Variants in ARHGAP10 observed in about 807,000 individuals in gnomAD.
ARHGAP10 encodes rho GTPase-activating protein 10.
A neutral mutation model predicts 108.6 loss-of-function variants in ARHGAP10; 87 were observed. The ratio of observed to expected loss-of-function variants is 0.80; its 90% CI spans 0.67 to 0.96. The LOEUF is 0.96. Among genes scored for constraint, ARHGAP10 ranks in the 40% least tolerant of loss-of-function variants. ARHGAP10 has a pLI of 0.00. For synonymous variants in ARHGAP10, 347 were observed against 341.1 expected, an observed-to-expected ratio of 1.02 and a Z score of -0.19; for missense variants, 939 against 954.5, an observed-to-expected ratio of 0.98 and a Z score of 0.21.
chr4:147,850,347 T>G (rs1733820237), intron 4 of ARHGAP10, among the ~76,000 whole-genome samples: 1 of 152,252 alleles, frequency 6.6e-6, no homozygotes, highest in Non-Finnish European at 1.5e-5. Context: ...CTTCCCATGC[T>G]GTGGAAGCTT....
chr4:148,063,448 T>G (rs928483792), intron 21 of ARHGAP10, 148 bp downstream of exon 21: 3 of 1,107,518 alleles, frequency 2.7e-6, no homozygotes, highest in Non-Finnish European at 3.8e-6. Context: ...CTTACCACCT[T>G]GTATCAGGGC....
At chr4:148,001,599 C>A (rs58357782) in intron 18 of ARHGAP10, among the ~76,000 whole-genome samples, 2 of 149,762 alleles carry the variant, frequency 1.3e-5, no homozygotes, top group Non-Finnish European at 2.9e-5. Context: ...TTGAGCAGTG[C>A]TTTATAGTTC....
At chr4:147,803,994 GTTT>G (rs1189718865) in intron 1 of ARHGAP10, among the ~76,000 whole-genome samples, 54 of 132,878 alleles carry the variant, frequency 4.1e-4, no homozygotes, top group African/African-American at 1.4e-3. Context: ...TGTATTTTTA[GTTT>G]TTTTTTTTTT....
At chr4:147,893,452 C>G (rs1735867891) in intron 10 of ARHGAP10, among the ~76,000 whole-genome samples, 1 of 146,010 alleles carries the variant, frequency 6.8e-6, no homozygotes, top group African/African-American at 2.5e-5. Flanking sequence ...TATTATTATT[C>G]TCTCTATATA....
chr4:147,736,062 GTTA>G (rs1396447575), intron 1 of ARHGAP10, among the ~76,000 whole-genome samples: 3 of 151,860 alleles, frequency 2.0e-5, no homozygotes, highest in African/African-American at 7.3e-5. Context: ...AGTCCTTACA[GTTA>G]TTAAGCACTA....
At chr4:148,056,310 CTCT>C (rs1414509608) in intron 20 of ARHGAP10, among the ~76,000 whole-genome samples, 1 of 152,218 alleles carries the variant, frequency 6.6e-6, no homozygotes, top group Non-Finnish European at 1.5e-5. Context: ...CTTCACACAT[CTCT>C]TCTTGTCATT....
intron 13 of ARHGAP10, among the ~76,000 whole-genome samples, chr4:147,919,661 C>G (rs974475686): frequency 6.6e-6 from 1 of 152,050 alleles, no homozygotes; most frequent in Non-Finnish European, 1.5e-5. Context: ...CAGCCTCCGT[C>G]TCCGCCTCCC....
chr4:147,933,322 ATACTCAAG>A (rs1433734193), intron 13 of ARHGAP10, among the ~76,000 whole-genome samples: 1 of 152,176 alleles, frequency 6.6e-6, no homozygotes, highest in Non-Finnish European at 1.5e-5. Flanking sequence ...TTGAACTCCT[ATACTCAAG>A]CAGTCCTTCT....
At chr4:147,929,922 C>T (rs1424041189) in intron 13 of ARHGAP10, among the ~76,000 whole-genome samples, 4 of 152,106 alleles carry the variant, frequency 2.6e-5, no homozygotes, top group African/African-American at 4.8e-5. Context: ...GATATGCAAA[C>T]CTATATTTGC....
chr4:148,005,477 T>G (rs1740910116), intron 18 of ARHGAP10, among the ~76,000 whole-genome samples: 1 of 152,192 alleles, frequency 6.6e-6, no homozygotes, highest in Non-Finnish European at 1.5e-5. Context: ...ATATTCTGTA[T>G]GTATCAGTAT....
chr4:147,878,837 C>T (rs1314832388), intron 8 of ARHGAP10, among the ~76,000 whole-genome samples: 1 of 138,394 alleles, frequency 7.2e-6, no homozygotes, highest in Non-Finnish European at 1.5e-5. Context: ...AGCGCAGTGG[C>T]GCGATCTCGG....
intron 18 of ARHGAP10, among the ~76,000 whole-genome samples, chr4:148,014,304 G>A (rs1477385706): frequency 6.6e-6 from 1 of 152,200 alleles, no homozygotes; most frequent in Non-Finnish European, 1.5e-5. Flanking sequence ...TATATTTGGG[G>A]AAGTGTATTC....
intron 20 of ARHGAP10, among the ~76,000 whole-genome samples, chr4:148,052,339 T>TAAA (rs540156426): frequency 4.4e-4 from 46 of 105,046 alleles, no homozygotes; most frequent in African/African-American, 1.5e-3. Context: ...TCTGATTATG[T>TAAA]AAAAAAAAAA....
intron 1 of ARHGAP10, among the ~76,000 whole-genome samples, chr4:147,748,557 A>T (rs1283187058): frequency 1.3e-5 from 2 of 152,230 alleles, no homozygotes; most frequent in Non-Finnish European, 2.9e-5. Flanking sequence ...AAACAAAATG[A>T]TACAGGGAGT....
At chr4:147,796,591 C>G (rs1280198187) in intron 1 of ARHGAP10, among the ~76,000 whole-genome samples, 1 of 152,022 alleles carries the variant, frequency 6.6e-6, no homozygotes, top group African/African-American at 2.4e-5. Context: ...GTGGTGTCAT[C>G]TCGGCTTAAC....
intron 18 of ARHGAP10, among the ~76,000 whole-genome samples, chr4:147,985,053 G>A (rs1739981754): frequency 6.6e-6 from 1 of 152,206 alleles, no homozygotes; most frequent in Admixed American, 6.5e-5. Flanking sequence ...CAAGTTCTCT[G>A]CATGAGGCAG....
At chr4:147,936,303 C>T (rs1737930812) in intron 13 of ARHGAP10, among the ~76,000 whole-genome samples, 1 of 148,854 alleles carries the variant, frequency 6.7e-6, no homozygotes, top group Non-Finnish European at 1.5e-5. Context: ...GGCTGTGCGG[C>T]CTCCTTTTCC....
At chr4:147,951,537 A>G (rs2126978796) in intron 15 of ARHGAP10, among the ~76,000 whole-genome samples, 1 of 151,522 alleles carries the variant, frequency 6.6e-6, no homozygotes, top group Non-Finnish European at 1.5e-5. Context: ...GTTTGTATGT[A>G]TATACTATAG....
intron 1 of ARHGAP10, among the ~76,000 whole-genome samples, chr4:147,751,541 T>C (rs1388802102): frequency 6.6e-6 from 1 of 151,768 alleles, no homozygotes; most frequent in African/African-American, 2.4e-5. Flanking sequence ...TTTTTTTGTA[T>C]TTTTAGTAGA....
Sources: gnomAD v4.1 joint callset for allele counts (sites outside exome capture counted in the v4.1 genomes callset) on GRCh38, gnomAD v4.1.1 for gene constraint, MANE v1.5 for transcripts, NCBI Gene and HGNC (gene_info 2026-07-23, HGNC 2026-07-21) for gene names.